The following INTS4 variants were observed in gnomAD, a reference collection of about 807,000 sequenced individuals.
The protein encoded by INTS4 is MSTP093.
In INTS4, 70 loss-of-function variants were observed where a neutral mutation model predicts 119.5. That is an observed-to-expected ratio of 0.59 (90% CI 0.48 to 0.71). The LOEUF (loss-of-function observed/expected upper bound fraction) is 0.71, where lower values mean the gene tolerates loss of function less well. Ranked by LOEUF, INTS4 falls within the 30% of genes least tolerant of loss-of-function variation. The probability of loss-of-function intolerance (pLI) is 0.00; values close to 1 mark genes in which losing one functional copy is unlikely to be tolerated. For missense variants in INTS4, 867 were observed against 1,173.2 expected (o/e 0.74, Z 3.81); for synonymous variants, 316 against 419.6 (o/e 0.75, Z 3.02).
At chr11:77,941,135 A>C (rs750628188) in intron 9 of INTS4, 45 bp downstream of exon 9, 2 of 1,603,002 alleles carry the variant, frequency 1.2e-6, no homozygotes, top group Admixed American at 1.7e-5. Context: ...GCCCCACTAC[A>C]TTGGTTACAG....
At position 77,917,327 on chromosome 11, in the gene INTS4, T is replaced by C. The variant is rs113356411; in HGVS notation, c.1922+1494A>G. Among the ~76,000 whole-genome samples the C allele has an allele frequency of 3.7e-3, 557 of 151,940 alleles. 10 individuals are homozygous for C. In the East Asian group the frequency reaches 0.056, roughly 15 times the overall value. ...AATATTTTTCCTTCTTTCTTTTTTT[T>C]TTTTGAGATGGAGTCTCACTCTGTT... On this transcript the variant is annotated intron_variant, in intron 15 of 22. Transcript: ENST00000534064.
At chr11:77,900,838 G>A (rs563689518) in intron 18 of INTS4, 17 of 558,600 alleles carry the variant, frequency 3.0e-5, no homozygotes, top group Non-Finnish European at 3.8e-5. Context: ...CTCTTATTAC[G>A]TATCAAGTAC....
At chr11:77,935,977 GT>G (rs1953782024) in intron 10 of INTS4, among the ~76,000 whole-genome samples, 1 of 150,424 alleles carries the variant, frequency 6.6e-6, no homozygotes, top group African/African-American at 2.5e-5. Context: ...GTGGAGAAAA[GT>G]AAGCTGTAGG....
intron 10 of INTS4, among the ~76,000 whole-genome samples, chr11:77,933,162 T>C (rs1331614719): frequency 6.6e-6 from 1 of 152,068 alleles, no homozygotes; most frequent in African/African-American, 2.4e-5. Flanking sequence ...AACTAAATCA[T>C]ATAAATGTTA....
chr11:77,888,333 C>A (rs1468817328), intron 21 of INTS4, among the ~76,000 whole-genome samples: 1 of 152,178 alleles, frequency 6.6e-6, no homozygotes, highest in Non-Finnish European at 1.5e-5. Context: ...AAAGGATTCC[C>A]TATTTAATAA....
chr11:77,928,266 A>G, intron 11 of INTS4, 76 bp downstream of exon 11: 5 of 1,485,978 alleles, frequency 3.4e-6, no homozygotes, highest in Non-Finnish European at 4.7e-6. Flanking sequence ...TCTGTCACCA[A>G]TGCCTAGCAC....
At chr11:77,979,276 G>C (rs1856093382) in intron 3 of INTS4, among the ~76,000 whole-genome samples, 174 bp from the exon 4 acceptor site, 1 of 152,064 alleles carries the variant, frequency 6.6e-6, no homozygotes, top group Non-Finnish European at 1.5e-5. Context: ...TTCAAGACGA[G>C]CCTGGGCAAC....
intron 8 of INTS4, among the ~76,000 whole-genome samples, chr11:77,950,126 C>T (rs532038250): frequency 3.8e-4 from 57 of 151,748 alleles, no homozygotes; most frequent in African/African-American, 1.3e-3. Flanking sequence ...AACAGAAAAC[C>T]AAATACCGCA....
At chr11:77,920,747 G>C (rs528318757) in intron 14 of INTS4, among the ~76,000 whole-genome samples, 72 of 152,116 alleles carry the variant, frequency 4.7e-4, no homozygotes, top group Non-Finnish European at 9.6e-4. Context: ...AGCTACTCGG[G>C]AGGCTGAGGC....
intron 3 of INTS4, among the ~76,000 whole-genome samples, chr11:77,981,190 C>CAAAAAAAAAAAAA (rs35194381): frequency 1.1e-5 from 1 of 88,862 alleles, no homozygotes; most frequent in African/African-American, 4.2e-5. Flanking sequence ...AACAAACAAG[C>CAAAAAAAAAAAAA]AAAAAAAAAA....
chr11:77,994,192 G>A (rs1856807841), intron 1 of INTS4, among the ~76,000 whole-genome samples: 1 of 151,896 alleles, frequency 6.6e-6, no homozygotes, highest in Non-Finnish European at 1.5e-5. Flanking sequence ...TTGGAACGGG[G>A]GTGCGGGGAG....
intron 2 of INTS4, among the ~76,000 whole-genome samples, chr11:77,984,790 T>C (rs1318791608): frequency 2.0e-5 from 3 of 150,362 alleles, no homozygotes; most frequent in African/African-American, 7.4e-5. Flanking sequence ...GTGAGAGGAT[T>C]GCATAAGCCT....
intron 9 of INTS4, among the ~76,000 whole-genome samples, chr11:77,939,712 G>C (rs1309529707): frequency 6.6e-6 from 1 of 151,756 alleles, no homozygotes; most frequent in African/African-American, 2.4e-5. Flanking sequence ...GGGTGTGGTG[G>C]TACACACCTG....
chr11:77,877,950 T>C (rs182296032), downstream of INTS4, among the ~76,000 whole-genome samples: 1 of 152,330 alleles, frequency 6.6e-6, no homozygotes. Context: ...TAAATTACTT[T>C]ATTTCTTGCA....
chr11:77,876,843 G>C (rs952306478), downstream of INTS4: 2 of 607,272 alleles, frequency 3.3e-6, no homozygotes, highest in Non-Finnish European at 3.0e-6. Context: ...TTTATAAAAG[G>C]GGTACTTATC....
intron 2 of INTS4, among the ~76,000 whole-genome samples, chr11:77,983,785 G>T (rs957828057): frequency 1.3e-5 from 2 of 152,154 alleles, no homozygotes; most frequent in African/African-American, 4.8e-5. Flanking sequence ...TCGCTTCTGG[G>T]CCTTTTGGCT....
At chr11:77,964,087 C>T (rs1317223490) in intron 4 of INTS4, among the ~76,000 whole-genome samples, 3 of 152,166 alleles carry the variant, frequency 2.0e-5, no homozygotes, top group African/African-American at 4.8e-5. Flanking sequence ...GCAGATGCTA[C>T]ACAAGAAAAC....
At position 77,981,844 on chromosome 11, in the gene INTS4, C is replaced by T. The variant is rs1856242395; in HGVS notation, c.247-268G>A. Among the ~76,000 whole-genome samples the T allele has an allele frequency of 2.0e-5, 3 of 152,054 alleles. No individual in the cohort carries two copies. In the South Asian group the frequency reaches 6.2e-4, roughly 32 times the overall value. On this transcript the variant is annotated intron_variant, in intron 2 of 22. Transcript: ENST00000534064. ...GTGCGTGATCTTGGCTCAATGCAAC[C>T]TCTGCCGGGGAGACAGCTTTCTCAG...
Position 77,960,375 on chromosome 11 carries a change from C to T in INTS4, c.674G>A (p.Arg225Lys). 6.2e-7 allele frequency: 1 copy of T among 1,600,712 alleles called. No individual in the cohort carries two copies. Among genetic ancestry groups the T allele is most frequent in the Non-Finnish European group, 8.6e-7 (1 of 1,169,332 alleles). Residue 225 changes from arginine to lysine, a missense_variant, in exon 6 of 23, where the codon AGA (arginine) becomes AAA (lysine). This residue lies in a region of INTS4 where 208 missense variants were observed against 306.6 expected (regional missense o/e 0.68). Transcript: ENST00000534064. The stretch of plus-strand genomic sequence containing the variant: ...AATTGTTTGGTGTAATTTCAGTCCT[C>T]TTTCATGGAGCTGCAACTAGATAAT... The part of the protein sequence containing the change: ...AIKAMLQLHE[R>K]GLKLHQTIYN...
Sources: gnomAD v4.1 joint callset for allele counts (sites outside exome capture counted in the v4.1 genomes callset) on GRCh38, gnomAD v4.1.1 for gene constraint, gnomAD v4.1.1 regional missense constraint, MANE v1.5 for transcripts, NCBI Gene and HGNC (gene_info 2026-07-23, HGNC 2026-07-21) for gene names.